The following ESPNL variants were observed in gnomAD, a reference collection of about 807,000 sequenced individuals.
The protein encoded by ESPNL is espin like.
In ESPNL, 49 loss-of-function variants were observed where a neutral mutation model predicts 46.8. The ratio of observed to expected loss-of-function variants is 1.05; its 90% CI spans 0.83 to 1.33. The LOEUF (loss-of-function observed/expected upper bound fraction) is 1.33, where lower values mean the gene tolerates loss of function less well. Among genes scored for constraint, ESPNL ranks in the 40% most tolerant of loss-of-function variants. The probability of loss-of-function intolerance (pLI) is 0.00; values close to 1 mark genes in which losing one functional copy is unlikely to be tolerated. For synonymous variants in ESPNL, 664 were observed against 662.1 expected, an observed-to-expected ratio of 1.00 and a Z score of -0.04; for missense variants, 1,540 against 1,436.6, an observed-to-expected ratio of 1.07 and a Z score of -1.16.
At chr2:238,126,148 GTCTGTGTGCA>G (rs576223976) in intron 6 of ESPNL, among the ~76,000 whole-genome samples, 2 of 151,944 alleles carry the variant, frequency 1.3e-5, no homozygotes, top group Non-Finnish European at 2.9e-5. Flanking sequence ...GTGTGATTGT[GTCTGTGTGCA>G]TCTGTGTGTG....
chr2:238,129,869 G>T (rs542226455), intron 8 of ESPNL, among the ~76,000 whole-genome samples: 112 of 152,398 alleles, frequency 7.3e-4, no homozygotes, highest in Non-Finnish European at 1.4e-3. Flanking sequence ...CTGTGGGACA[G>T]CCCTGTCTGA....
chr2:238,130,070 G>C, intron 8 of ESPNL, 58 bp from the exon 9 acceptor site: 1 of 1,552,648 alleles, frequency 6.4e-7, no homozygotes, highest in Non-Finnish European at 8.7e-7. Context: ...TGGAAGCTAG[G>C]TGGGCTGATG....
intron 2 of ESPNL, among the ~76,000 whole-genome samples, chr2:238,103,900 G>T (rs549766720): frequency 6.6e-6 from 1 of 152,194 alleles, no homozygotes; most frequent in African/African-American, 2.4e-5. Flanking sequence ...GGTACTGGGG[G>T]ACTTTGTGAG....
chr2:238,131,437 T>A lies in ESPNL; in HGVS notation c.2723T>A (p.Val908Glu). ...TTCCACAAGGCCGTGACCGACGAGG[T>A]GGCCGCCGGCCGCCGGGCCTGGACC... ...RAFHKAVTDE[V>E]AAGRRAWTDG... Residue 908 changes from valine to glutamate, a missense_variant, in exon 9 of 9, where the codon GTG (valine) becomes GAG (glutamate). By Grantham distance (121) the Val-to-Glu change is moderately radical. Transcript: ENST00000343063. 6.2e-7 allele frequency: 1 copy of A among 1,609,038 alleles called. No individual in the cohort carries two copies. The highest frequency in any genetic ancestry group is 8.5e-7 in the Non-Finnish European group (1 of 1,178,094).
intron 8 of ESPNL, chr2:238,129,209 G>C (rs1692220856): frequency 7.7e-7 from 1 of 1,300,808 alleles, no homozygotes; most frequent in Non-Finnish European, 9.8e-7. Flanking sequence ...CGTCTAGCAG[G>C]GAAGACGGTG....
At position 238,130,385 on chromosome 2, in the gene ESPNL, G is replaced by A; in HGVS notation, c.1671G>A (p.Arg557=). ...CGGTCAACAGCCACTTCCTGCCCCG[G>A]GCGCCCGGACTGGAGGTTGAGGAGG... ...SITVNSHFLP[R]APGLEVEEAS... The change falls in exon 9 of 9, where the codon CGG becomes CGA. Residue 557 remains arginine, a synonymous_variant. Transcript: ENST00000343063. The A allele has an allele frequency of 1.2e-6, 2 of 1,610,928 alleles. No homozygotes were observed. The highest frequency in any genetic ancestry group is 4.5e-5 in the East Asian group (2 of 44,796).
At chr2:238,101,733 C>G (rs575862639) in intron 1 of ESPNL, among the ~76,000 whole-genome samples, 1 of 152,198 alleles carries the variant, frequency 6.6e-6, no homozygotes, top group Admixed American at 6.5e-5. Context: ...AAGACCTGGA[C>G]CTGAGTCCTG....
chr2:238,129,587 G>A (rs376482447), intron 8 of ESPNL, among the ~76,000 whole-genome samples: 1 of 152,212 alleles, frequency 6.6e-6, no homozygotes, highest in East Asian at 1.9e-4. Context: ...ATGTGCCTTG[G>A]ATTTTAACAG....
Position 238,131,657 on chromosome 2 carries a change from C to T in ESPNL, c.2943C>T (p.Asp981=). 1.2e-6 allele frequency: 2 copies of T among 1,606,182 alleles called. No homozygotes were observed. The highest frequency in any genetic ancestry group is 1.7e-6 in the Non-Finnish European group (2 of 1,174,430). ...RSQQGSFNGE[D]ICGYINRSFA... ...AGCAGGGCAGCTTCAACGGTGAGGACATCTGCGGCTACATCAACCGCAGCT... is the reference window on the plus strand; with the variant it reads ...AGCAGGGCAGCTTCAACGGTGAGGATATCTGCGGCTACATCAACCGCAGCT... Residue 981 remains aspartate (D), a synonymous_variant, in exon 9 of 9, where the codon GAC becomes GAT. Transcript: ENST00000343063.
At chr2:238,122,211 G>GAT (rs1233762862) in intron 5 of ESPNL, among the ~76,000 whole-genome samples, 2 of 152,256 alleles carry the variant, frequency 1.3e-5, no homozygotes, top group African/African-American at 4.8e-5. Flanking sequence ...TGCGCCTCCA[G>GAT]ATCCCTGAGG....
chr2:238,119,421 G>GTGGATGGA (rs1691928055), intron 5 of ESPNL, among the ~76,000 whole-genome samples: 1 of 144,660 alleles, frequency 6.9e-6, no homozygotes, highest in East Asian at 2.2e-4. Flanking sequence ...GATGGAGGAG[G>GTGGATGGA]GTAGATGGAG....
In ESPNL at chr2:238,116,962, C is replaced by CA; in HGVS notation, c.916dup (p.Thr306AsnfsTer75). The CA allele has an allele frequency of 6.2e-7, 1 of 1,612,598 alleles. No individual in the cohort carries two copies. The highest frequency in any genetic ancestry group is 8.5e-7 in the Non-Finnish European group (1 of 1,179,792). ...CCTCCCTGCGGGATGAAGATGGTTACACGGCGGCAGACCTGGCGGAGTACC... is the reference window on the plus strand; with the variant it reads ...CCTCCCTGCGGGATGAAGATGGTTACAACGGCGGCAGACCTGGCGGAGTACC... On this transcript the variant is annotated frameshift_variant, in exon 5 of 9. Transcript: ENST00000343063. LOFTEE classifies it high-confidence loss of function.
At chr2:238,108,003 G>T in intron 4 of ESPNL, 30 bp downstream of exon 4, 1 of 1,585,212 alleles carries the variant, frequency 6.3e-7, no homozygotes, top group Non-Finnish European at 8.6e-7. Flanking sequence ...GACAGGGTGA[G>T]CAGTCACAAG....
chr2:238,123,151 C>G (rs1692025675), intron 5 of ESPNL, among the ~76,000 whole-genome samples: 1 of 152,208 alleles, frequency 6.6e-6, no homozygotes, highest in Non-Finnish European at 1.5e-5. Context: ...CACGCCGTTG[C>G]TCAGCAGACA....
chr2:238,128,730 GGA>G lies in ESPNL; in HGVS notation c.1240_1241del (p.Asp414HisfsTer27). ...PEGTETALAG[D>X]TSDGLAALQL... ...AGGGGACAGAGACGGCGCTGGCGGG[GGA>G]CACCTCAGATGGCCTGGCCGCACTA... On this transcript the variant is annotated frameshift_variant, in exon 8 of 9. Coordinates refer to ENST00000343063, the MANE Select transcript of ESPNL (RefSeq NM_194312.4). LOFTEE classifies it high-confidence loss of function. The G allele has an allele frequency of 1.2e-6, 2 of 1,602,008 alleles. No individual in the cohort carries two copies. Among genetic ancestry groups the G allele is most frequent in the Non-Finnish European group, 1.7e-6 (2 of 1,175,206 alleles).
Position 238,102,001 on chromosome 2 carries a change from C to T in ESPNL, c.355C>T (p.Leu119=), listed in dbSNP as rs761040458. ...HLAARFGHPV[L]VEWLLHEGHS... The stretch of plus-strand genomic sequence containing the variant: ...GGCCGCCCGTTTTGGACACCCAGTG[C>T]TGGTGGAGTGGCTGCTCCACGAGGG... The change falls in exon 2 of 9, where the codon CTG becomes TTG. Residue 119 remains leucine, a synonymous_variant. Coordinates refer to ENST00000343063, the MANE Select transcript of ESPNL (RefSeq NM_194312.4). The T allele has an allele frequency of 2.5e-6, 4 of 1,610,404 alleles. No homozygotes were observed. The highest frequency in any genetic ancestry group is 1.1e-5 in the South Asian group (1 of 90,902).
chr2:238,126,488 CTGTT>C (rs1273356725), intron 6 of ESPNL, among the ~76,000 whole-genome samples: 1 of 145,788 alleles, frequency 6.9e-6, no homozygotes, highest in Non-Finnish European at 1.5e-5. Flanking sequence ...GATTGTGTGT[CTGTT>C]CTGTCTGTTT....
chr2:238,129,672 G>A (rs1046514449), intron 8 of ESPNL, among the ~76,000 whole-genome samples: 1 of 152,254 alleles, frequency 6.6e-6, no homozygotes, highest in East Asian at 1.9e-4. Flanking sequence ...CAAGATGATT[G>A]AGTTCTGTGC....
chr2:238,127,007 CTG>C (rs1392907424), intron 6 of ESPNL, among the ~76,000 whole-genome samples: 5 of 146,328 alleles, frequency 3.4e-5, no homozygotes, highest in Non-Finnish European at 7.5e-5. Flanking sequence ...GATTGTGTAT[CTG>C]TGTGTGATTG....
Sources: gnomAD v4.1 joint callset for allele counts (sites outside exome capture counted in the v4.1 genomes callset) on GRCh38, gnomAD v4.1.1 for gene constraint, MANE v1.5 for transcripts, NCBI Gene and HGNC (gene_info 2026-07-23, HGNC 2026-07-21) for gene names.